NEDD4: variants seen among roughly 807,000 people sequenced by gnomAD.
NEDD4 encodes NEDD4 E3 ubiquitin protein ligase, also known as E3 ubiquitin-protein ligase NEDD4.
In NEDD4, 99 loss-of-function variants were observed where a neutral mutation model predicts 144.9. The ratio of observed to expected loss-of-function variants is 0.68; its 90% CI spans 0.58 to 0.81. The LOEUF (loss-of-function observed/expected upper bound fraction) is 0.81, where lower values mean the gene tolerates loss of function less well. Ranked by LOEUF, NEDD4 falls within the 30% of genes least tolerant of loss-of-function variation. The probability of loss-of-function intolerance (pLI) is 0.00; values close to 1 mark genes in which losing one functional copy is unlikely to be tolerated. For synonymous variants in NEDD4, 318 were observed against 350.6 expected (o/e 0.91, Z 1.04); for missense variants, 985 against 1,065.9 (o/e 0.92, Z 1.06).
intron 1 of NEDD4, among the ~76,000 whole-genome samples, chr15:55,978,451 G>C (rs549084469): frequency 1.5e-4 from 23 of 152,234 alleles, no homozygotes; most frequent in Non-Finnish European, 3.1e-4. Flanking sequence ...TTCATGTGTT[G>C]AGATTGTAAT....
intron 5 of NEDD4, among the ~76,000 whole-genome samples, chr15:55,914,159 A>G (rs1313290605): frequency 2.6e-5 from 4 of 151,668 alleles, no homozygotes; most frequent in Non-Finnish European, 5.9e-5. Flanking sequence ...AAAATAAACT[A>G]GCAATTACTA....
At chr15:55,891,105 T>A (rs1270757637) in intron 5 of NEDD4, among the ~76,000 whole-genome samples, 1 of 152,166 alleles carries the variant, frequency 6.6e-6, no homozygotes, top group East Asian at 1.9e-4. Context: ...AGAACAAAAA[T>A]CCCACATGGT....
intron 5 of NEDD4, among the ~76,000 whole-genome samples, chr15:55,902,541 C>G (rs1270528528): frequency 2.0e-5 from 3 of 152,032 alleles, no homozygotes; most frequent in African/African-American, 7.2e-5. Flanking sequence ...ATATAATCAA[C>G]AAAATGTTGA....
At chr15:55,904,162 A>G (rs1158244964) in intron 5 of NEDD4, among the ~76,000 whole-genome samples, 5 of 152,146 alleles carry the variant, frequency 3.3e-5, no homozygotes, top group African/African-American at 1.2e-4. Flanking sequence ...ATCTCAAAAG[A>G]AAAGAATATA....
intron 5 of NEDD4, chr15:55,915,319 T>C: frequency 6.2e-7 from 1 of 1,606,130 alleles, no homozygotes; most frequent in Non-Finnish European, 8.5e-7. Flanking sequence ...GTGCAATCTC[T>C]GTTGCTGTCT....
intron 4 of NEDD4, among the ~76,000 whole-genome samples, chr15:55,931,809 T>G (rs12595359): frequency 0.3 from 46,173 of 152,106 alleles, 7,164 homozygotes; most frequent in South Asian, 0.39. Flanking sequence ...TACAATTCAA[T>G]GGTTTTTAAT....
chr15:55,850,313 C>T (rs1595746967), intron 14 of NEDD4, among the ~76,000 whole-genome samples: 1 of 151,970 alleles, frequency 6.6e-6, no homozygotes, highest in East Asian at 1.9e-4. Flanking sequence ...GAGCTAAAAA[C>T]TGGAAATAGG....
intron 11 of NEDD4, among the ~76,000 whole-genome samples, chr15:55,857,782 T>A (rs867147680): frequency 2.0e-5 from 3 of 152,002 alleles, no homozygotes; most frequent in Admixed American, 6.6e-5. Context: ...AAAAATTTTT[T>A]AAAAAAATTA....
chr15:55,884,251 G>T (rs2035307392), intron 5 of NEDD4, among the ~76,000 whole-genome samples: 1 of 152,052 alleles, frequency 6.6e-6, no homozygotes. Context: ...ACACACATAT[G>T]GCTGCAGCAA....
At chr15:55,857,482 C>T (rs1428050574) in intron 11 of NEDD4, among the ~76,000 whole-genome samples, 2 of 152,154 alleles carry the variant, frequency 1.3e-5, no homozygotes, top group African/African-American at 4.8e-5. Context: ...ACACACGCCA[C>T]TGCACTCGGC....
chr15:55,967,238 C>A (rs1467218051), intron 1 of NEDD4, among the ~76,000 whole-genome samples: 1 of 152,010 alleles, frequency 6.6e-6, no homozygotes, highest in Non-Finnish European at 1.5e-5. Flanking sequence ...AAATCCCATT[C>A]AACAGACAAC....
At chr15:55,862,882 G>C (rs748553716) in intron 9 of NEDD4, 31 bp downstream of exon 9, 2 of 1,544,840 alleles carry the variant, frequency 1.3e-6, no homozygotes, top group Admixed American at 3.6e-5. Flanking sequence ...AGTGTTTCCA[G>C]ATTAAAATTG....
chr15:55,964,794 C>T (rs1419824619), intron 2 of NEDD4, among the ~76,000 whole-genome samples: 2 of 149,210 alleles, frequency 1.3e-5, no homozygotes, highest in Non-Finnish European at 3.0e-5. Context: ...ATTTGATTTC[C>T]AATGTGGGAA....
At chr15:55,849,326 G>A (rs1358008996) in intron 14 of NEDD4, among the ~76,000 whole-genome samples, 1 of 152,148 alleles carries the variant, frequency 6.6e-6, no homozygotes, top group Non-Finnish European at 1.5e-5. Flanking sequence ...CTAGGTTCAA[G>A]GGATTCTCCT....
Position 55,850,721 on chromosome 15 carries a change from G to A in NEDD4, c.1168C>T (p.Leu390=). ...TVQATVETSQ[L]TSSQSSAGPQ... is the part of the protein sequence containing the mutation. ...CCTGCAGAACTCTGGCTTGAGGTCA[G>A]CTGACTGGTCTCCACTGTGGCCTAG... The change falls in exon 14 of 29, where the codon CTG becomes TTG. Residue 390 remains leucine, a synonymous_variant. Transcript: ENST00000435532. The A allele has an allele frequency of 6.2e-7, 1 of 1,613,692 alleles. No individual in the cohort carries two copies. Among genetic ancestry groups the A allele is most frequent in the Admixed American group, 1.7e-5 (1 of 60,022 alleles).
At position 55,838,124 on chromosome 15, in the gene NEDD4, G is replaced by C. The variant is rs773133450; in HGVS notation, c.2184C>G (p.Asn728Lys). ...GGSEIVVTNK[N>K]KKEYIYLVIQ... ...ATACTTACTAAATATATTCCTTTTT[G>C]TTCTTATTGGTGACAACTATTTCTG... Residue 728 changes from asparagine to lysine, a missense_variant, in exon 23 of 29, where the codon AAC (asparagine) becomes AAG (lysine). Transcript: ENST00000435532. The C allele has an allele frequency of 4.5e-5, 71 of 1,576,694 alleles. 1 individual carries two copies. In the Admixed American group the frequency reaches 5.7e-4, roughly 13 times the overall value.
chr15:55,900,291 T>C (rs2035872777), intron 5 of NEDD4, among the ~76,000 whole-genome samples: 1 of 152,164 alleles, frequency 6.6e-6, no homozygotes, highest in South Asian at 2.1e-4. Context: ...GAGCCATGCC[T>C]GGGAATCCCA....
chr15:55,830,737 T>TCAC (rs1195365089), intron 27 of NEDD4, 151 bp from the exon 28 acceptor site: 3 of 647,624 alleles, frequency 4.6e-6, no homozygotes, highest in East Asian at 2.7e-5. Flanking sequence ...TATCCCTCTG[T>TCAC]CACCCAGACT....
chr15:55,960,554 AG>A (rs2142319218), intron 2 of NEDD4, among the ~76,000 whole-genome samples: 1 of 152,154 alleles, frequency 6.6e-6, no homozygotes, highest in Non-Finnish European at 1.5e-5. Flanking sequence ...CCTATTTTTG[AG>A]GTTTTGGGAC....
Sources: gnomAD v4.1 joint callset for allele counts (sites outside exome capture counted in the v4.1 genomes callset) on GRCh38, gnomAD v4.1.1 for gene constraint, MANE v1.5 for transcripts, NCBI Gene and HGNC (gene_info 2026-07-23, HGNC 2026-07-21) for gene names.